The following DCDC1 variants were observed in gnomAD, a reference collection of about 807,000 sequenced individuals.
The protein encoded by DCDC1 is doublecortin domain-containing protein 1.
In DCDC1, 200 loss-of-function variants were observed where a neutral mutation model predicts 178.3. The observed-to-expected ratio is 1.12, with a 90% CI of 1.00 to 1.26. DCDC1 has a LOEUF of 1.26. DCDC1 is among the 50% of genes most tolerant of loss of function. The pLI is 0.00. For synonymous variants in DCDC1, 690 were observed against 604.8 expected, an observed-to-expected ratio of 1.14 and a Z score of -2.07; for missense variants, 1,983 against 1,749.2, an observed-to-expected ratio of 1.13 and a Z score of -2.38.
chr11:31,181,955 C>G (rs569495900), intron 9 of DCDC1, among the ~76,000 whole-genome samples: 147 of 152,044 alleles, frequency 9.7e-4, no homozygotes, highest in Admixed American at 2.3e-3. Context: ...ATACAAGGAT[C>G]AATAGCTGAA....
At chr11:31,341,845 A>AT (rs1434507948) in intron 1 of DCDC1, among the ~76,000 whole-genome samples, 1 of 149,936 alleles carries the variant, frequency 6.7e-6, no homozygotes, top group African/African-American at 2.5e-5. Context: ...ACACACACAC[A>AT]TTTTTTTTGG....
chr11:31,144,943 C>G (rs996418082), intron 9 of DCDC1, among the ~76,000 whole-genome samples: 1 of 151,988 alleles, frequency 6.6e-6, no homozygotes, highest in African/African-American at 2.4e-5. Context: ...CTTAGAAAGA[C>G]CCATTTCCTT....
At chr11:31,014,802 A>C (rs1214356976) in intron 20 of DCDC1, among the ~76,000 whole-genome samples, 1 of 152,084 alleles carries the variant, frequency 6.6e-6, no homozygotes, top group Non-Finnish European at 1.5e-5. Flanking sequence ...CACTACTTTT[A>C]AGGGAGATCA....
chr11:31,324,244 C>G (rs1949528068), intron 3 of DCDC1, among the ~76,000 whole-genome samples: 1 of 151,314 alleles, frequency 6.6e-6, no homozygotes, highest in African/African-American at 2.4e-5. Flanking sequence ...AGAAGAAGAA[C>G]AATTTCCAAG....
chr11:31,241,344 T>C (rs1977110651), intron 9 of DCDC1, 106 bp downstream of exon 9: 2 of 390,468 alleles, frequency 5.1e-6, no homozygotes, highest in Non-Finnish European at 9.0e-6. Context: ...GCTCACAAAA[T>C]ACATGTCACA....
At chr11:30,964,395 G>A (rs532751725) in intron 20 of DCDC1, among the ~76,000 whole-genome samples, 167 of 152,200 alleles carry the variant, frequency 1.1e-3, no homozygotes, top group Non-Finnish European at 2.1e-3. Context: ...AAGTTCCACT[G>A]TCATGGCTCT....
intron 3 of DCDC1, among the ~76,000 whole-genome samples, chr11:31,322,330 T>C (rs899150989): frequency 6.6e-6 from 1 of 152,200 alleles, no homozygotes; most frequent in African/African-American, 2.4e-5. Context: ...TCAGGTAATG[T>C]TGATTATCTA....
chr11:31,229,263 C>T (rs1204864292), intron 9 of DCDC1, among the ~76,000 whole-genome samples: 1 of 152,012 alleles, frequency 6.6e-6, no homozygotes, highest in Non-Finnish European at 1.5e-5. Context: ...GCCAGCATTA[C>T]CCTAATACCA....
At chr11:31,105,707 T>C (rs533770893) in intron 13 of DCDC1, among the ~76,000 whole-genome samples, 4 of 152,234 alleles carry the variant, frequency 2.6e-5, no homozygotes, top group South Asian at 4.1e-4. Flanking sequence ...CTGGGACAGA[T>C]GAAATAAAAT....
At chr11:31,141,835 T>C (rs183742948) in intron 9 of DCDC1, among the ~76,000 whole-genome samples, 126 of 152,358 alleles carry the variant, frequency 8.3e-4, no homozygotes, top group Admixed American at 2.2e-3. Flanking sequence ...AGAAGTAGTT[T>C]GCACTACAGA....
chr11:30,989,133 A>AG (rs767431854), intron 20 of DCDC1, among the ~76,000 whole-genome samples: 14 of 152,070 alleles, frequency 9.2e-5, no homozygotes, highest in South Asian at 8.3e-4. Context: ...ACAAAATAAG[A>AG]GGGGGGGCAG....
intron 30 of DCDC1, 48 bp downstream of exon 30, chr11:30,906,492 C>G: frequency 1.3e-6 from 2 of 1,545,894 alleles, no homozygotes; most frequent in Non-Finnish European, 1.8e-6. Flanking sequence ...ATCAAAGTTT[C>G]CAAATTGTTG....
chr11:31,037,558 A>C (rs1354051040), intron 20 of DCDC1, among the ~76,000 whole-genome samples: 1 of 149,626 alleles, frequency 6.7e-6, no homozygotes, highest in Non-Finnish European at 1.5e-5. Context: ...CAGCCTCCCC[A>C]GTAGCTGGGA....
rs369039516 is a variant in DCDC1 at position 30,907,293 on chromosome 11, A to C, written c.3919-568T>G. Among the ~76,000 whole-genome samples the C allele has an allele frequency of 2.0e-5, 3 of 152,358 alleles. No homozygotes were observed. In the East Asian group the frequency reaches 5.8e-4, roughly 29 times the overall value. On this transcript the variant is annotated intron_variant, in intron 29 of 38. Coordinates refer to ENST00000684477, the MANE Select transcript of DCDC1 (RefSeq NM_001387274.1). ...TTGGAAGTAAACTGGCATCAATTTA[A>C]AACTCTACAAACTGGCCACTAGAAA...
intron 8 of DCDC1, 59 bp downstream of exon 8, chr11:31,265,445 AAAC>A (rs2137109298): frequency 2.1e-6 from 2 of 967,654 alleles, no homozygotes; most frequent in African/African-American, 1.7e-5. Context: ...TTTAAAGTAA[AAAC>A]AAAATATAAA....
Position 30,916,911 on chromosome 11 carries a change from T to C in DCDC1, c.3411A>G (p.Glu1137=). The C allele has an allele frequency of 6.2e-7, 1 of 1,609,330 alleles. No individual in the cohort carries two copies. Among genetic ancestry groups the C allele is most frequent in the Admixed American group, 1.7e-5 (1 of 59,376 alleles). ...DEDDSLPKKT[E]KGLFENVEPQ... ...GTTCCACATTTTCAAAGAGCCCTTT[T>C]TCCGTTTTCTTTGGAAGACTGTCAT... is the stretch of plus-strand genomic sequence containing the variant. Residue 1137 remains glutamate, a synonymous_variant, in exon 26 of 39, where the codon GAA becomes GAG. Coordinates refer to ENST00000684477, the MANE Select transcript of DCDC1 (RefSeq NM_001387274.1).
Position 31,212,899 on chromosome 11 carries a change from A to G in DCDC1, c.1221+28551T>C, listed in dbSNP as rs77310440. Among the ~76,000 whole-genome samples, 373 of 152,262 alleles carry G rather than the reference A, an allele frequency of 2.4e-3. 5 individuals carry two copies. The highest frequency in any genetic ancestry group is 0.011 in the East Asian group (56 of 5,178). Reference sequence around the variant, plus strand: ...GAAATTGGAAGAAACCTAAATGTCCATTAGTAGCTATATATAACTGTTATG... The same window carrying G: ...GAAATTGGAAGAAACCTAAATGTCCGTTAGTAGCTATATATAACTGTTATG... On this transcript the variant is annotated intron_variant, in intron 9 of 38. Coordinates refer to ENST00000684477, the MANE Select transcript of DCDC1 (RefSeq NM_001387274.1).
chr11:30,982,959 C>T (rs1950466520), intron 20 of DCDC1, among the ~76,000 whole-genome samples: 1 of 152,104 alleles, frequency 6.6e-6, no homozygotes, highest in Non-Finnish European at 1.5e-5. Flanking sequence ...ACCGTGCTCC[C>T]ATCTCACCTG....
intron 36 of DCDC1, among the ~76,000 whole-genome samples, chr11:30,884,439 G>T (rs634267): frequency 6.6e-6 from 1 of 151,998 alleles, no homozygotes; most frequent in East Asian, 1.9e-4. Flanking sequence ...CAGAATAAGA[G>T]AAACAGTTCC....
Sources: gnomAD v4.1 joint callset for allele counts (sites outside exome capture counted in the v4.1 genomes callset) on GRCh38, gnomAD v4.1.1 for gene constraint, MANE v1.5 for transcripts, NCBI Gene and HGNC (gene_info 2026-07-23, HGNC 2026-07-21) for gene names.